Variants in CNTN1 observed in about 807,000 individuals in gnomAD.
CNTN1 encodes the protein contactin-1.
A neutral mutation model predicts 126.4 loss-of-function variants in CNTN1; 38 were observed. That is an observed-to-expected ratio of 0.30 (90% CI 0.23 to 0.39). The LOEUF is 0.39. CNTN1 is among the 10% of genes least tolerant of loss of function. The pLI is 1.00. For missense variants in CNTN1, 1,009 were observed against 1,248.4 expected, an observed-to-expected ratio of 0.81 and a Z score of 2.89; for synonymous variants, 413 against 422.6, an observed-to-expected ratio of 0.98 and a Z score of 0.28.
In CNTN1 at chr12:40,922,783, C is replaced by T. The variant is rs1473814502; in HGVS notation, c.400+355C>T. On this transcript the variant is annotated intron_variant, in intron 5 of 23. Coordinates refer to ENST00000551295, the MANE Select transcript of CNTN1 (RefSeq NM_001843.4). ...GTCAGGAGATCGAGACCATCCTGGC[C>T]AACATGGTGAAACCCTGTCTCTACT... 3.3e-5 allele frequency among the ~76,000 whole-genome samples: 5 copies of T among 151,834 alleles called. No individual in the cohort carries two copies. The South Asian group carries it at 1.0e-3, about 32-fold the overall frequency.
At chr12:40,761,295 C>T (rs1938856937) in intron 1 of CNTN1, among the ~76,000 whole-genome samples, 1 of 152,014 alleles carries the variant, frequency 6.6e-6, no homozygotes, top group Non-Finnish European at 1.5e-5. Context: ...TAGTTAGACA[C>T]CATTTAATTT....
intron 1 of CNTN1, among the ~76,000 whole-genome samples, chr12:40,734,868 TG>T (rs1246763906): frequency 6.6e-6 from 1 of 152,040 alleles, no homozygotes; most frequent in African/African-American, 2.4e-5. Flanking sequence ...ATTTTGGAGG[TG>T]TTTTCTCACA....
intron 1 of CNTN1, among the ~76,000 whole-genome samples, chr12:40,765,427 C>A (rs1429363563): frequency 1.3e-5 from 2 of 152,126 alleles, no homozygotes; most frequent in Non-Finnish European, 2.9e-5. Flanking sequence ...CTAATAGTAT[C>A]ACCTGGACAG....
At chr12:40,782,141 T>C (rs931252952) in intron 1 of CNTN1, among the ~76,000 whole-genome samples, 1 of 151,954 alleles carries the variant, frequency 6.6e-6, no homozygotes, top group Non-Finnish European at 1.5e-5. Flanking sequence ...ACACATATTT[T>C]TTAAAAGTTC....
At chr12:41,041,116 T>A (rs76786997) in intron 23 of CNTN1, among the ~76,000 whole-genome samples, 276 of 120,246 alleles carry the variant, frequency 2.3e-3, no homozygotes, top group African/African-American at 4.8e-3. Context: ...TGAGAGTTTT[T>A]AGCATGAAGG....
At chr12:40,773,862 A>G (rs1476492044) in intron 1 of CNTN1, among the ~76,000 whole-genome samples, 2 of 151,336 alleles carry the variant, frequency 1.3e-5, no homozygotes, top group East Asian at 3.9e-4. Context: ...ATTATATATA[A>G]TTGTTAGAAG....
chr12:40,829,028 A>G (rs948095068), intron 1 of CNTN1, among the ~76,000 whole-genome samples: 2 of 152,200 alleles, frequency 1.3e-5, no homozygotes, highest in African/African-American at 4.8e-5. Flanking sequence ...CATAAGATCC[A>G]AATAAAATTT....
intron 1 of CNTN1, among the ~76,000 whole-genome samples, chr12:40,743,553 T>G (rs1347806518): frequency 6.6e-6 from 1 of 151,926 alleles, no homozygotes; most frequent in Non-Finnish European, 1.5e-5. Context: ...TTAGAATGGG[T>G]GTTTAGGAAA....
intron 17 of CNTN1, among the ~76,000 whole-genome samples, chr12:40,996,862 G>C (rs1948231336): frequency 1.3e-5 from 2 of 152,138 alleles, no homozygotes; most frequent in Non-Finnish European, 2.9e-5. Context: ...CTTTCTAAAT[G>C]AGGGATGTTT....
intron 1 of CNTN1, among the ~76,000 whole-genome samples, chr12:40,901,293 A>AT (rs765252488): frequency 6.6e-5 from 10 of 152,312 alleles, no homozygotes; most frequent in Non-Finnish European, 1.5e-4. Context: ...CATAAAAAGG[A>AT]TTTTTTATAT....
At chr12:41,042,281 CA>C (rs1949433337) in intron 23 of CNTN1, among the ~76,000 whole-genome samples, 1 of 151,922 alleles carries the variant, frequency 6.6e-6, no homozygotes, top group African/African-American at 2.4e-5. Flanking sequence ...GTCTGAGAGA[CA>C]GTTTGTTATA....
chr12:40,937,704 A>G lies in CNTN1; in HGVS notation c.1228+17A>G. 2 of 1,393,250 alleles carry G rather than the reference A, an allele frequency of 1.4e-6. No individual in the cohort carries two copies. The highest frequency in any genetic ancestry group is 1.0e-6 in the Non-Finnish European group (1 of 979,050). 86.3% of individuals were successfully genotyped at this position (1,393,250 alleles called of 1,614,324 possible). A position where few individuals can be genotyped will look rare whatever the true frequency, so the allele number is the denominator to read the frequency against. On this transcript the variant is annotated intron_variant, in intron 11 of 23. Transcript: ENST00000551295. ...AGATCTTGGGTCAGTATCATTTCTAATTTCTGTTAAACATTGTTAAAGCAA... is the reference window on the plus strand; with the variant it reads ...AGATCTTGGGTCAGTATCATTTCTAGTTTCTGTTAAACATTGTTAAAGCAA...
rs148944849 is a variant in CNTN1, at chr12:40,756,672, G to A, written c.-77+64080G>A. 3.4e-3 allele frequency among the ~76,000 whole-genome samples: 510 copies of A among 152,188 alleles called. 3 individuals are homozygous for A. The highest frequency in any genetic ancestry group is 0.012 in the African/African-American group (480 of 41,532). On this transcript the variant is annotated intron_variant, in intron 1 of 23. Coordinates refer to ENST00000551295, the MANE Select transcript of CNTN1 (RefSeq NM_001843.4). ...CCTAGAATGCTTTCCCCTAGATCTT[G>A]CAAATAGTTTGCTCCTCTTTATTAA...
intron 15 of CNTN1, chr12:40,971,837 C>T (rs756508497): frequency 1.2e-5 from 14 of 1,128,286 alleles, no homozygotes; most frequent in African/African-American, 6.8e-5. Flanking sequence ...ATCTGAAAAA[C>T]GTATGAAGAA....
At chr12:41,049,870 C>A (rs1016984020) in intron 23 of CNTN1, among the ~76,000 whole-genome samples, 2 of 152,162 alleles carry the variant, frequency 1.3e-5, no homozygotes, top group Non-Finnish European at 2.9e-5. Context: ...CAATGTCCTG[C>A]AAAATTTGAT....
At chr12:40,759,424 T>TCCCTC (rs1938749176) in intron 1 of CNTN1, among the ~76,000 whole-genome samples, 1 of 151,386 alleles carries the variant, frequency 6.6e-6, no homozygotes, top group Non-Finnish European at 1.5e-5. Flanking sequence ...TCTTTCTTTC[T>TCCCTC]CCCTCCCCTC....
intron 1 of CNTN1, among the ~76,000 whole-genome samples, chr12:40,903,489 A>G (rs1242740235): frequency 1.3e-5 from 2 of 150,180 alleles, no homozygotes; most frequent in Admixed American, 1.3e-4. Context: ...GTGTGGCCTC[A>G]AGAGAGAAGT....
chr12:40,697,809 T>C (rs1941488311), intron 1 of CNTN1, among the ~76,000 whole-genome samples: 1 of 152,184 alleles, frequency 6.6e-6, no homozygotes, highest in African/African-American at 2.4e-5. Context: ...AAGTGAATAG[T>C]ACCTTAATTC....
At chr12:40,817,595 T>C (rs1385514744) in intron 1 of CNTN1, among the ~76,000 whole-genome samples, 1 of 148,520 alleles carries the variant, frequency 6.7e-6, no homozygotes, top group African/African-American at 2.5e-5. Context: ...ATACAGCACA[T>C]TGATGGGTCT....
Sources: gnomAD v4.1 joint callset for allele counts (sites outside exome capture counted in the v4.1 genomes callset) on GRCh38, gnomAD v4.1.1 for gene constraint, MANE v1.5 for transcripts, NCBI Gene and HGNC (gene_info 2026-07-23, HGNC 2026-07-21) for gene names.